CTNNA3: variants seen among roughly 807,000 people sequenced by gnomAD.
CTNNA3 encodes catenin alpha 3, also known as catenin alpha-3.
In CTNNA3, 76 loss-of-function variants were observed where a neutral mutation model predicts 95.7. The ratio of observed to expected loss-of-function variants is 0.79; its 90% confidence interval spans 0.66 to 0.96. The LOEUF (loss-of-function observed/expected upper bound fraction) is 0.96. Ranked by LOEUF, CTNNA3 falls within the 40% of genes least tolerant of loss-of-function variation. CTNNA3 has a pLI of 0.00. For synonymous variants in CTNNA3, 431 were observed against 374.4 expected (o/e 1.15, Z -1.74); for missense variants, 1,191 against 1,089.8 (o/e 1.09, Z -1.31).
intron 1 of CTNNA3, among the ~76,000 whole-genome samples, chr10:67,703,202 C>G (rs61528814): frequency 0.17 from 26,199 of 151,438 alleles, 3,156 homozygotes; most frequent in East Asian, 0.41. Flanking sequence ...GAGGTACAAA[C>G]AGGAGCTGGT....
At chr10:67,462,142 C>T (rs1847401062) in intron 5 of CTNNA3, among the ~76,000 whole-genome samples, 1 of 152,112 alleles carries the variant, frequency 6.6e-6, no homozygotes, top group Non-Finnish European at 1.5e-5. Context: ...CTTCCACTGC[C>T]CCAGCCATTC....
chr10:67,367,206 G>C (rs1843248624), intron 5 of CTNNA3, among the ~76,000 whole-genome samples: 1 of 152,038 alleles, frequency 6.6e-6, no homozygotes, highest in South Asian at 2.1e-4. Context: ...CTAAAATCCA[G>C]ACTCTATAAG....
intron 17 of CTNNA3, among the ~76,000 whole-genome samples, chr10:65,956,125 A>G (rs889071825): frequency 1.3e-5 from 2 of 152,070 alleles, no homozygotes; most frequent in African/African-American, 4.8e-5. Context: ...GGGAGGGTGT[A>G]TGTGTCCAGC....
chr10:66,114,354 GTA>G lies in CTNNA3; in HGVS notation c.1885-11107_1885-11106del, dbSNP rs562614927. Among the ~76,000 whole-genome samples, 43 of 151,510 alleles carry G rather than the reference GTA, an allele frequency of 2.8e-4. No homozygotes were observed. The South Asian group carries it at 7.7e-3, about 27-fold the overall frequency. On this transcript the variant is annotated intron_variant, in intron 13 of 17. Coordinates refer to ENST00000433211, the MANE Select transcript of CTNNA3 (RefSeq NM_013266.4). ...TTGAAATATTGTTAACTGAATATCT[GTA>G]TATATATGTGTGTGTGTGTATATAT...
In CTNNA3 at chr10:66,927,530, T is replaced by C; in HGVS notation, c.1048-152006A>G. ...GCCAGGAATGTCTTTGCTGGCATGA[T>C]CAGACTCAAAGAACTTCACCTGGAG... is the stretch of plus-strand genomic sequence containing the variant. On this transcript the variant is annotated intron_variant, in intron 7 of 17. Coordinates refer to ENST00000433211, the MANE Select transcript of CTNNA3 (RefSeq NM_013266.4). This position sits in a 1 kb window ranked among gnomAD's most constrained non-coding sequence, Gnocchi z 4.7. The C allele has an allele frequency of 6.2e-7, 1 of 1,614,152 alleles. No homozygotes were observed.
At chr10:67,249,905 T>C (rs1319003619) in intron 5 of CTNNA3, among the ~76,000 whole-genome samples, 1 of 152,182 alleles carries the variant, frequency 6.6e-6, no homozygotes, top group Admixed American at 6.5e-5. Context: ...CACACAGACA[T>C]GGGTAGAACA....
intron 1 of CTNNA3, among the ~76,000 whole-genome samples, chr10:67,704,380 T>C (rs1841064102): frequency 6.6e-6 from 1 of 152,148 alleles, no homozygotes; most frequent in South Asian, 2.1e-4. Context: ...CAAACTATAC[T>C]ACAAGGCTAC....
chr10:67,125,654 C>T (rs532926369), intron 7 of CTNNA3, among the ~76,000 whole-genome samples: 29 of 152,120 alleles, frequency 1.9e-4, no homozygotes, highest in African/African-American at 6.5e-4. Flanking sequence ...GGGGTTGTAC[C>T]GTAAACGCAT....
At chr10:67,412,506 A>G (rs79925081) in intron 5 of CTNNA3, among the ~76,000 whole-genome samples, 10,456 of 152,082 alleles carry the variant, frequency 0.069, 498 homozygotes, top group African/African-American at 0.14. Flanking sequence ...AATACAGAGA[A>G]TTTCAGCCAG....
At chr10:67,738,212 G>C (rs192389435) in intron 1 of CTNNA3, among the ~76,000 whole-genome samples, 2 of 152,172 alleles carry the variant, frequency 1.3e-5, no homozygotes, top group African/African-American at 2.4e-5. Context: ...GTCCCTCTGG[G>C]ACAAAGCTTC....
intron 1 of CTNNA3, among the ~76,000 whole-genome samples, chr10:67,657,411 A>G (rs1840055459): frequency 6.6e-6 from 1 of 152,220 alleles, no homozygotes; most frequent in Non-Finnish European, 1.5e-5. Context: ...CTACCAAGGA[A>G]GCATGTAGAC....
chr10:66,583,204 A>C (rs1408860979), intron 10 of CTNNA3, among the ~76,000 whole-genome samples: 1 of 151,828 alleles, frequency 6.6e-6, no homozygotes, highest in Non-Finnish European at 1.5e-5. Context: ...AATAGATTCA[A>C]TCGAATTAGT....
chr10:67,557,455 A>G (rs1841299580), intron 3 of CTNNA3, among the ~76,000 whole-genome samples: 1 of 152,078 alleles, frequency 6.6e-6, no homozygotes, highest in African/African-American at 2.4e-5. Flanking sequence ...ATTATTATTT[A>G]TGTTGCCTAT....
intron 7 of CTNNA3, among the ~76,000 whole-genome samples, chr10:66,916,612 T>C (rs994749939): frequency 6.6e-6 from 1 of 152,182 alleles, no homozygotes; most frequent in Non-Finnish European, 1.5e-5. Context: ...CTATAAGCCA[T>C]TATCAGCTAA....
chr10:66,564,982 C>A (rs1842662210), intron 10 of CTNNA3, among the ~76,000 whole-genome samples: 2 of 152,144 alleles, frequency 1.3e-5, no homozygotes. Context: ...GGCAGCTCTG[C>A]CTTTCGTATG....
At chr10:66,497,726 T>C (rs982941554) in intron 11 of CTNNA3, among the ~76,000 whole-genome samples, 1 of 152,080 alleles carries the variant, frequency 6.6e-6, no homozygotes, top group African/African-American at 2.4e-5. Context: ...TAGAAAATCA[T>C]GTTTTCTTCA....
chr10:67,668,832 CTTTT>C (rs869150567), intron 1 of CTNNA3, among the ~76,000 whole-genome samples: 1,789 of 90,084 alleles, frequency 0.02, 22 homozygotes, highest in African/African-American at 0.078. Context: ...TACTGTGTTT[CTTTT>C]TTTTTTTTTT....
At chr10:67,669,508 G>T (rs1840392598) in intron 1 of CTNNA3, among the ~76,000 whole-genome samples, 1 of 152,018 alleles carries the variant, frequency 6.6e-6, no homozygotes, top group South Asian at 2.1e-4. Flanking sequence ...AAACAAACTG[G>T]GTTCAAATTC....
At chr10:67,312,586 G>C (rs1348906319) in intron 5 of CTNNA3, among the ~76,000 whole-genome samples, 2 of 152,186 alleles carry the variant, frequency 1.3e-5, no homozygotes, top group Non-Finnish European at 2.9e-5. Flanking sequence ...AATAATAAGG[G>C]GGAGAAGAGG....
Sources: allele counts gnomAD v4.1 joint callset (sites outside exome capture counted in the v4.1 genomes callset), GRCh38; gene constraint gnomAD v4.1.1; non-coding constraint Gnocchi (gnomAD v3.1); transcripts MANE v1.5; gene names NCBI Gene and HGNC (gene_info 2026-07-23, HGNC 2026-07-21).